The following ECE1 variants were observed in gnomAD, a reference collection of about 807,000 sequenced individuals.
ECE1 encodes the protein endothelin converting enzyme 1, also known as endothelin-converting enzyme 1.
Under a neutral mutation model 98.6 loss-of-function variants are expected in ECE1, and 35 were observed. The observed-to-expected ratio is 0.35, with a 90% CI of 0.27 to 0.47. The LOEUF (loss-of-function observed/expected upper bound fraction) is 0.47, where lower values mean the gene tolerates loss of function less well. Among genes scored for constraint, ECE1 ranks in the 20% least tolerant of loss-of-function variants. The pLI is 1.00. For synonymous variants in ECE1, 394 were observed against 407.1 expected (o/e 0.97, Z 0.39); for missense variants, 814 against 1,025.3 (o/e 0.79, Z 2.81).
At chr1:21,341,276 G>A (rs1187937182) in intron 1 of ECE1, among the ~76,000 whole-genome samples, 2 of 152,214 alleles carry the variant, frequency 1.3e-5, no homozygotes, top group Non-Finnish European at 2.9e-5. Context: ...CACTGACCAC[G>A]GCCCCCATGC....
In ECE1 at chr1:21,219,741, A is replaced by C; in HGVS notation, c.*214T>G. 1 of 626,350 alleles carries C rather than the reference A, an allele frequency of 1.6e-6. No individual in the cohort carries two copies. Among genetic ancestry groups the C allele is most frequent in the Non-Finnish European group, 2.8e-6 (1 of 354,686 alleles). The allele number at this position is 626,350 out of a possible 1,614,324, so 38.8% of individuals were successfully genotyped here. A position where few individuals can be genotyped will look rare whatever the true frequency, so the allele number is the denominator to read the frequency against. ...CGAATGCCTGCTGAAGGTGGCGCACACGTGTGCCTGGGATGTCCGGCTCTT... is the reference window on the plus strand; with the variant it reads ...CGAATGCCTGCTGAAGGTGGCGCACCCGTGTGCCTGGGATGTCCGGCTCTT... On this transcript the variant is annotated 3_prime_UTR_variant, in exon 19 of 19. Transcript: ENST00000374893. This position sits in a 1 kb window ranked among gnomAD's most constrained non-coding sequence, Gnocchi z 4.5.
intron 10 of ECE1, among the ~76,000 whole-genome samples, chr1:21,244,028 T>C (rs934142540): frequency 3.3e-5 from 5 of 152,206 alleles, no homozygotes; most frequent in Non-Finnish European, 7.3e-5. Flanking sequence ...CCTGCCATTC[T>C]CTGCCAATCC....
Position 21,225,716 on chromosome 1 carries a change from C to G in ECE1, c.1850-276G>C, listed in dbSNP as rs1252621192. ...CTTTCTTTTTTTTTTTTTTTTGAGACAGTCTCACTCTGCCACTCAGGCTGG... is the reference window on the plus strand; with the variant it reads ...CTTTCTTTTTTTTTTTTTTTTGAGAGAGTCTCACTCTGCCACTCAGGCTGG... On this transcript the variant is annotated intron_variant, in intron 16 of 18. Coordinates refer to ENST00000374893, the MANE Select transcript of ECE1 (RefSeq NM_001397.3). The surrounding 1 kb of genome is among the most constrained non-coding windows in gnomAD (Gnocchi z 5.3). Among the ~76,000 whole-genome samples, 2 of 142,690 alleles carry G rather than the reference C, an allele frequency of 1.4e-5. No homozygotes were observed. The highest frequency in any genetic ancestry group is 1.5e-5 in the Non-Finnish European group (1 of 65,888). The allele number at this position is 142,690 out of a possible 152,430, so 93.6% of individuals were successfully genotyped here.
intron 1 of ECE1, among the ~76,000 whole-genome samples, chr1:21,311,811 C>CA (rs200513616): frequency 4.0e-5 from 6 of 149,424 alleles, no homozygotes; most frequent in Non-Finnish European, 5.9e-5. Context: ...AATCCTGTCT[C>CA]AAAAAAAAAT....
At chr1:21,269,881 C>T (rs1470292746) in intron 4 of ECE1, among the ~76,000 whole-genome samples, 1 of 152,202 alleles carries the variant, frequency 6.6e-6, no homozygotes, top group East Asian at 1.9e-4. Context: ...ATCACCAGAC[C>T]TTGGCCTCGG....
chr1:21,254,429 C>A (rs1007697138), intron 8 of ECE1, among the ~76,000 whole-genome samples: 6 of 152,216 alleles, frequency 3.9e-5, no homozygotes, highest in African/African-American at 9.6e-5. Flanking sequence ...AAACTCCCCC[C>A]ACCTTGGCAG....
intron 2 of ECE1, among the ~76,000 whole-genome samples, chr1:21,289,855 G>T (rs2098264509): frequency 6.6e-6 from 1 of 152,070 alleles, no homozygotes; most frequent in African/African-American, 2.4e-5. Flanking sequence ...CTCTAGGGAT[G>T]GCGGGGGCAG....
At chr1:21,241,316 G>A (rs2103251253) in intron 10 of ECE1, among the ~76,000 whole-genome samples, 1 of 152,212 alleles carries the variant, frequency 6.6e-6, no homozygotes, top group African/African-American at 2.4e-5. Context: ...GATTATAGGT[G>A]TGAGCCACCG....
chr1:21,308,547 A>G (rs1379025080), intron 1 of ECE1, among the ~76,000 whole-genome samples: 1 of 152,142 alleles, frequency 6.6e-6, no homozygotes. Flanking sequence ...GATCAGAGAC[A>G]AGATCAAAGA....
chr1:21,333,650 T>C (rs1422257590), intron 1 of ECE1, among the ~76,000 whole-genome samples: 1 of 152,090 alleles, frequency 6.6e-6, no homozygotes, highest in Non-Finnish European at 1.5e-5. Context: ...CTGGCCAACA[T>C]GGTGAAACCC....
At position 21,308,076 on chromosome 1, in the gene ECE1, C is replaced by G. The variant is rs1169273515; in HGVS notation, c.4-17920G>C. On this transcript the variant is annotated intron_variant, in intron 1 of 18. Transcript: ENST00000415912. ...TTGCTCCCACCCACATGGAAAGCAG[C>G]TGCCCTTCCCCTGGAGACATTTTCC... Among the ~76,000 whole-genome samples, 4 of 152,356 alleles carry G rather than the reference C, an allele frequency of 2.6e-5. No individual in the cohort carries two copies. The East Asian group carries it at 7.7e-4, about 29-fold the overall frequency.
chr1:21,264,313 C>T (rs549353619), intron 4 of ECE1, among the ~76,000 whole-genome samples: 1 of 75,368 alleles, frequency 1.3e-5, no homozygotes, highest in African/African-American at 5.3e-5. Flanking sequence ...ACCAATTCCC[C>T]CCCCCCCTTT....
chr1:21,311,562 C>A (rs1297438619), intron 1 of ECE1, among the ~76,000 whole-genome samples: 2 of 150,056 alleles, frequency 1.3e-5, no homozygotes, highest in Non-Finnish European at 3.0e-5. Flanking sequence ...TGCCTGCAAT[C>A]CCAGCACTTT....
At chr1:21,228,603 C>T (rs548816762) in intron 14 of ECE1, among the ~76,000 whole-genome samples, 7 of 151,686 alleles carry the variant, frequency 4.6e-5, no homozygotes, top group East Asian at 2.0e-4. Context: ...CTGGCCAACA[C>T]GGCAAAACCC....
Position 21,308,000 on chromosome 1 carries a change from C to T in ECE1, c.4-17844G>A, listed in dbSNP as rs1274282152. Among the ~76,000 whole-genome samples the T allele has an allele frequency of 6.6e-6, 1 of 152,126 alleles. No individual in the cohort carries two copies. Among genetic ancestry groups the T allele is most frequent in the Non-Finnish European group, 1.5e-5 (1 of 68,008 alleles). On this transcript the variant is annotated intron_variant, in intron 1 of 18. Transcript: ENST00000415912. The surrounding 1 kb of genome is among the most constrained non-coding windows in gnomAD (Gnocchi z 4.2). ...CCCCCCAGAAGGTCTAGAATGGGGT[C>T]ACCCCTCAAAACCTCCCTGGCTCAC...
At chr1:21,278,271 T>C (rs963228847) in intron 3 of ECE1, among the ~76,000 whole-genome samples, 2 of 152,234 alleles carry the variant, frequency 1.3e-5, no homozygotes, top group Non-Finnish European at 2.9e-5. Context: ...TCTTAAGTGT[T>C]TACTGAGCAT....
intron 14 of ECE1, among the ~76,000 whole-genome samples, chr1:21,232,282 G>A (rs2098182749): frequency 6.6e-6 from 1 of 151,784 alleles, no homozygotes; most frequent in South Asian, 2.1e-4. Flanking sequence ...TTTTTTTGAG[G>A]AGACAGTTTT....
At chr1:21,229,171 G>A (rs971873464) in intron 14 of ECE1, among the ~76,000 whole-genome samples, 2 of 151,700 alleles carry the variant, frequency 1.3e-5, no homozygotes, top group African/African-American at 4.8e-5. Flanking sequence ...CTCAACCCCT[G>A]AATACAAGAC....
At chr1:21,221,888 G>C in intron 17 of ECE1, 46 bp from the exon 18 acceptor site, 1 of 1,555,416 alleles carries the variant, frequency 6.4e-7, no homozygotes. Flanking sequence ...ATGGCAGGTG[G>C]TGAAGGAGGG....
Sources: allele counts gnomAD v4.1 joint callset (sites outside exome capture counted in the v4.1 genomes callset), GRCh38; gene constraint gnomAD v4.1.1; non-coding constraint Gnocchi (gnomAD v3.1); transcripts MANE v1.5; gene names NCBI Gene and HGNC (gene_info 2026-07-23, HGNC 2026-07-21).